The following METTL15 variants were observed in gnomAD, a reference collection of about 807,000 sequenced individuals.
The protein encoded by METTL15 is methyltransferase 15, mitochondrial 12S rRNA N4-cytidine.
Under a neutral mutation model 38.3 loss-of-function variants are expected in METTL15, and 34 were observed. The observed-to-expected ratio is 0.89, with a 90% CI of 0.68 to 1.18. The LOEUF (loss-of-function observed/expected upper bound fraction) is 1.18. Among genes scored for constraint, METTL15 ranks in the 50% most tolerant of loss-of-function variants. METTL15 has a pLI of 0.00. For synonymous variants in METTL15, 162 were observed against 170.9 expected (o/e 0.95, Z 0.41); for missense variants, 438 against 498.4 (o/e 0.88, Z 1.15).
At chr11:28,264,393 G>GT (rs1439776438) in intron 4 of METTL15, among the ~76,000 whole-genome samples, 3 of 151,800 alleles carry the variant, frequency 2.0e-5, no homozygotes, top group Non-Finnish European at 4.4e-5. Context: ...GTAGTTGTCT[G>GT]TTTTTTTAAA....
At chr11:28,286,742 G>A (rs1856278915) in intron 4 of METTL15, among the ~76,000 whole-genome samples, 1 of 151,914 alleles carries the variant, frequency 6.6e-6, no homozygotes, top group African/African-American at 2.4e-5. Flanking sequence ...TAACTTCTGG[G>A]GAAAGTAGTG....
At chr11:28,389,452 A>G (rs1184236792) in intron 5 of METTL15, among the ~76,000 whole-genome samples, 7 of 138,374 alleles carry the variant, frequency 5.1e-5, no homozygotes, top group African/African-American at 1.9e-4. Flanking sequence ...TCATTGTTCA[A>G]TTCTCATCTA....
intron 5 of METTL15, among the ~76,000 whole-genome samples, chr11:28,403,304 G>T (rs1435689902): frequency 1.3e-5 from 2 of 151,882 alleles, no homozygotes; most frequent in African/African-American, 2.4e-5. Context: ...CCTCTTGCTG[G>T]CTCTGTGCTC....
intron 3 of METTL15, among the ~76,000 whole-genome samples, chr11:28,137,261 T>G (rs1034808717): frequency 3.9e-5 from 6 of 152,232 alleles, no homozygotes; most frequent in African/African-American, 4.8e-5. Context: ...GAAGATTAAT[T>G]TTTATAAACC....
rs761412614 is a variant in METTL15, at chr11:28,384,799, CA to C, written c.*358+22764del. ...TCCTTTTTCTTCCTAACCTTGCCAG[CA>C]TCTGTTATTTTTTTATTTTTTAATA... On this transcript the variant is annotated intron_variant and NMD_transcript_variant, in intron 5 of 7. Transcript: ENST00000532947. Among the ~76,000 whole-genome samples, 44 of 152,196 alleles carry C rather than the reference CA, an allele frequency of 2.9e-4. 1 individual carries two copies. Among genetic ancestry groups the C allele is most frequent in the Admixed American group, 5.2e-4 (8 of 15,284 alleles).
chr11:28,257,275 A>G (rs1855010959), intron 4 of METTL15, among the ~76,000 whole-genome samples: 1 of 152,014 alleles, frequency 6.6e-6, no homozygotes, highest in Admixed American at 6.6e-5. Flanking sequence ...GCTCCATTGT[A>G]TGTTTTTTGC....
chr11:28,293,765 T>C (rs1307942415), intron 5 of METTL15, among the ~76,000 whole-genome samples: 1 of 152,102 alleles, frequency 6.6e-6, no homozygotes, highest in Non-Finnish European at 1.5e-5. Context: ...TTGAAGAGGT[T>C]CTTCACGTCC....
chr11:28,375,308 G>A (rs1850296048), intron 5 of METTL15, among the ~76,000 whole-genome samples: 1 of 149,272 alleles, frequency 6.7e-6, no homozygotes, highest in Admixed American at 6.7e-5. Flanking sequence ...GACTCTTTTT[G>A]GTTGGTAAGC....
chr11:28,330,887 A>T lies in METTL15; in HGVS notation c.*46A>T, dbSNP rs878893513. 3 of 1,404,224 alleles carry T rather than the reference A, an allele frequency of 2.1e-6. No individual in the cohort carries two copies. The highest frequency in any genetic ancestry group is 1.4e-5 in the South Asian group (1 of 69,312). The allele number at this position is 1,404,224 out of a possible 1,614,324, so 87.0% of individuals were successfully genotyped here. ...CAAATTTTTTTCTCACAATTTCTCTAATCTTTACTCATGTTATGTCCCTGA... is the reference window on the plus strand; with the variant it reads ...CAAATTTTTTTCTCACAATTTCTCTTATCTTTACTCATGTTATGTCCCTGA... On this transcript the variant is annotated 3_prime_UTR_variant, in exon 7 of 7. Coordinates refer to ENST00000407364, the MANE Select transcript of METTL15 (RefSeq NM_001113528.2).
At position 28,411,638 on chromosome 11, in the gene METTL15, T is replaced by TGGA. The variant is rs1850725044; in HGVS notation, c.*359-12661_*359-12660insGGA. Among the ~76,000 whole-genome samples, 5 of 152,038 alleles carry TGGA rather than the reference T, an allele frequency of 3.3e-5. No individual in the cohort carries two copies. The South Asian group carries it at 1.0e-3, about 32-fold the overall frequency. The stretch of plus-strand genomic sequence containing the variant: ...GTAAGACTTGAAGCTCTAAAATTCC[T>TGGA]AGAAGACATAGGAGAAAAGCTCCTT... On this transcript the variant is annotated intron_variant and NMD_transcript_variant, in intron 5 of 7. Coordinates refer to the METTL15 transcript ENST00000532947.
intron 3 of METTL15, among the ~76,000 whole-genome samples, chr11:28,208,205 G>A (rs996640326): frequency 1.3e-5 from 2 of 152,072 alleles, no homozygotes; most frequent in Non-Finnish European, 2.9e-5. Context: ...TGATGTTAGG[G>A]TGTCAGTTTT....
chr11:28,218,388 T>A (rs974339275), intron 4 of METTL15, among the ~76,000 whole-genome samples: 1 of 152,216 alleles, frequency 6.6e-6, no homozygotes, highest in Non-Finnish European at 1.5e-5. Flanking sequence ...AGAATGCTTG[T>A]GATTTTTGTA....
intron 6 of METTL15, among the ~76,000 whole-genome samples, chr11:28,520,198 A>T (rs1035819608): frequency 5.9e-5 from 9 of 152,018 alleles, no homozygotes; most frequent in African/African-American, 2.2e-4. Flanking sequence ...GTGAGCCTGG[A>T]GTAGTGGTGC....
intron 4 of METTL15, among the ~76,000 whole-genome samples, chr11:28,359,091 C>G (rs560012458): frequency 6.6e-6 from 1 of 152,258 alleles, no homozygotes; most frequent in East Asian, 1.9e-4. Context: ...TCACCCTCTC[C>G]CTACTCTAGT....
intron 6 of METTL15, among the ~76,000 whole-genome samples, chr11:28,448,182 A>G (rs543165106): frequency 6.6e-4 from 101 of 152,240 alleles, no homozygotes; most frequent in African/African-American, 2.3e-3. Context: ...TCCATTTAAC[A>G]TGGTAGAGCC....
chr11:28,451,510 A>T (rs1554927058), intron 6 of METTL15, among the ~76,000 whole-genome samples: 1 of 151,982 alleles, frequency 6.6e-6, no homozygotes, highest in Non-Finnish European at 1.5e-5. Context: ...GCGTGAACCC[A>T]GGAGGCGGAG....
At chr11:28,270,469 G>T (rs965041838) in intron 4 of METTL15, among the ~76,000 whole-genome samples, 10 of 152,074 alleles carry the variant, frequency 6.6e-5, no homozygotes, top group African/African-American at 2.4e-4. Context: ...TGTAGGATGA[G>T]TTCCAACTCT....
At chr11:28,439,564 AT>A (rs1192549060) in intron 6 of METTL15, among the ~76,000 whole-genome samples, 2 of 152,104 alleles carry the variant, frequency 1.3e-5, no homozygotes, top group Non-Finnish European at 2.9e-5. Flanking sequence ...AGAGCTCTAT[AT>A]TTGTCTTCCC....
intron 4 of METTL15, among the ~76,000 whole-genome samples, chr11:28,353,338 T>G (rs1299298753): frequency 1.3e-5 from 2 of 152,156 alleles, no homozygotes; most frequent in African/African-American, 4.8e-5. Context: ...AGAATATTAA[T>G]TTTGAAATGA....
Sources: allele counts gnomAD v4.1 joint callset (sites outside exome capture counted in the v4.1 genomes callset), GRCh38; gene constraint gnomAD v4.1.1; transcripts MANE v1.5; gene names NCBI Gene and HGNC (gene_info 2026-07-23, HGNC 2026-07-21).